TM9SF3: variants seen among roughly 807,000 people sequenced by gnomAD.
The protein encoded by TM9SF3 is transmembrane 9 superfamily member 3, also known as SM-11044-binding protein.
Under a neutral mutation model 78.6 loss-of-function variants are expected in TM9SF3, and 14 were observed. That is an observed-to-expected ratio of 0.18 (90% CI 0.12 to 0.28). The LOEUF (loss-of-function observed/expected upper bound fraction) is 0.28, where lower values mean the gene tolerates loss of function less well. Ranked by LOEUF, TM9SF3 falls within the 10% of genes least tolerant of loss-of-function variation. The pLI, the probability that TM9SF3 is intolerant of heterozygous loss-of-function variation, is 1.00. For synonymous variants in TM9SF3, 231 were observed against 241.7 expected (o/e 0.96, Z 0.41); for missense variants, 496 against 721.9 (o/e 0.69, Z 3.59).
intron 10 of TM9SF3, among the ~76,000 whole-genome samples, chr10:96,532,639 T>TA (rs1422737674): frequency 6.6e-6 from 1 of 152,214 alleles, no homozygotes; most frequent in Non-Finnish European, 1.5e-5. Flanking sequence ...TCTCTGACAT[T>TA]ACTGATCTGC....
intron 14 of TM9SF3, among the ~76,000 whole-genome samples, chr10:96,525,414 T>C (rs1294331508): frequency 6.6e-6 from 1 of 152,052 alleles, no homozygotes; most frequent in African/African-American, 2.4e-5. Flanking sequence ...TGTGGAATGT[T>C]TCATTCACTA....
At chr10:96,527,953 C>T in intron 12 of TM9SF3, 78 bp downstream of exon 12, 1 of 1,427,256 alleles carries the variant, frequency 7.0e-7, no homozygotes, top group Non-Finnish European at 9.5e-7. Context: ...CTCTTTACTC[C>T]ACTTGATAGA....
chr10:96,557,543 T>C, intron 5 of TM9SF3, among the ~76,000 whole-genome samples: 1 of 152,158 alleles, frequency 6.6e-6, no homozygotes, highest in Non-Finnish European at 1.5e-5. Context: ...CTGAAAACAC[T>C]ACAGTGCTCC....
At chr10:96,527,634 G>T in intron 12 of TM9SF3, 138 bp from the exon 13 acceptor site, 1 of 634,404 alleles carries the variant, frequency 1.6e-6, no homozygotes, top group Non-Finnish European at 2.6e-6. Context: ...CATAGACATG[G>T]TATTCAAATT....
chr10:96,583,237 G>A (rs1848592890), intron 1 of TM9SF3, among the ~76,000 whole-genome samples: 1 of 152,202 alleles, frequency 6.6e-6, no homozygotes, highest in South Asian at 2.1e-4. Context: ...CTTAGGACAA[G>A]CTATATAATT....
At chr10:96,547,856 T>C (rs1848120475) in intron 8 of TM9SF3, 39 bp downstream of exon 8, 2 of 1,493,302 alleles carry the variant, frequency 1.3e-6, no homozygotes. Flanking sequence ...AATATTAGCA[T>C]CTATAATTAA....
At chr10:96,582,973 AG>A (rs1224999860) in intron 1 of TM9SF3, among the ~76,000 whole-genome samples, 3 of 151,776 alleles carry the variant, frequency 2.0e-5, no homozygotes, top group Non-Finnish European at 4.4e-5. Flanking sequence ...CCAGCTACTC[AG>A]GAGGCTGAGA....
chr10:96,524,263 A>G (rs1847814163), intron 14 of TM9SF3, among the ~76,000 whole-genome samples: 1 of 151,940 alleles, frequency 6.6e-6, no homozygotes, highest in Admixed American at 6.6e-5. Context: ...TTATAATAGG[A>G]AATAACAATA....
chr10:96,556,165 G>A (rs1848231666), intron 5 of TM9SF3, among the ~76,000 whole-genome samples: 1 of 152,002 alleles, frequency 6.6e-6, no homozygotes, highest in Non-Finnish European at 1.5e-5. Flanking sequence ...GTCACAAAGG[G>A]GTTTACTAAC....
chr10:96,554,760 G>C (rs893691567), intron 5 of TM9SF3, among the ~76,000 whole-genome samples: 1 of 152,022 alleles, frequency 6.6e-6, no homozygotes, highest in African/African-American at 2.4e-5. Context: ...AATGTTTCTG[G>C]AATTGCAGAC....
At chr10:96,537,150 C>A (rs1215142397) in intron 9 of TM9SF3, among the ~76,000 whole-genome samples, 1 of 152,192 alleles carries the variant, frequency 6.6e-6, no homozygotes, top group Non-Finnish European at 1.5e-5. Context: ...CACCCCAAAC[C>A]TCATATTGTT....
intron 7 of TM9SF3, among the ~76,000 whole-genome samples, chr10:96,550,259 G>A (rs1184700400): frequency 6.6e-6 from 1 of 152,106 alleles, no homozygotes; most frequent in Non-Finnish European, 1.5e-5. Context: ...CCTTATGTAG[G>A]TACTTTGAGA....
At position 96,519,998 on chromosome 10, in the gene TM9SF3, C is replaced by A. The variant is rs1847744871; in HGVS notation, c.*2265G>T. 1 of 151,868 alleles carries A rather than the reference C, an allele frequency of 6.6e-6. No homozygotes were observed. Among genetic ancestry groups the A allele is most frequent in the African/African-American group, 2.4e-5 (1 of 41,418 alleles). The allele number at this position is 151,868 out of a possible 1,614,324, so 9.4% of individuals were successfully genotyped here. ...AATTGGTGTACCTGAAAGCATTTAA[C>A]CCACACATTTTCAATAAACCCTACA... On this transcript the variant is annotated 3_prime_UTR_variant, in exon 15 of 15. Transcript: ENST00000371142.
rs770125582 is a variant in TM9SF3, at chr10:96,576,643, T to C, written c.289A>G (p.Lys97Glu). 1.3e-6 allele frequency: 2 copies of C among 1,588,264 alleles called. No individual in the cohort carries two copies. The highest frequency in any genetic ancestry group is 1.2e-5 in the South Asian group (1 of 86,638). ...ATTAAGGTTTACTTACCTTTAAATT[T>C]AATATCCAGACCACTAAATTCCAAT... Reference protein sequence around the residue: ...VELEFSGLDIKFKDDVMPATY... With the variant: ...VELEFSGLDIEFKDDVMPATY... The change falls in exon 2 of 15, where the codon AAA becomes GAA. Residue 97 changes from lysine (K) to glutamate (E), a missense_variant. Lys to Glu is a moderately conservative substitution (Grantham distance 56). This residue lies in a region of TM9SF3 where 155 missense variants were observed against 241.6 expected (regional missense o/e 0.64). Coordinates refer to ENST00000371142, the MANE Select transcript of TM9SF3 (RefSeq NM_020123.4).
rs1236977939 is a variant in TM9SF3, at chr10:96,527,222, T to C, written c.1693A>G (p.Ile565Val). Residue 565 changes from isoleucine to valine, a missense_variant, in exon 14 of 15, where the codon ATA becomes GTA. By Grantham distance (29) the Ile-to-Val change is conservative. This residue lies in a region of TM9SF3 where 280 missense variants were observed against 422.6 expected (regional missense o/e 0.66). Coordinates refer to ENST00000371142, the MANE Select transcript of TM9SF3 (RefSeq NM_020123.4). ...YMAVFSTALG[I>V]MCGAIGYMGT... ...GAATTTCAAAACTTACCACACATTA[T>C]CCCCAAGGCTGTGCTAAATACCGCC... is the stretch of plus-strand genomic sequence containing the variant. 2 of 1,607,310 alleles carry C rather than the reference T, an allele frequency of 1.2e-6. No homozygotes were observed. The highest frequency in any genetic ancestry group is 1.3e-5 in the African/African-American group (1 of 74,700).
chr10:96,530,005 G>C (rs995328295), intron 11 of TM9SF3, among the ~76,000 whole-genome samples: 3 of 152,118 alleles, frequency 2.0e-5, no homozygotes, highest in Admixed American at 1.3e-4. Flanking sequence ...TTTTTATTTT[G>C]CAATGGTGAC....
At chr10:96,522,507 T>TA (rs1847789516) in intron 14 of TM9SF3, among the ~76,000 whole-genome samples, 177 bp from the exon 15 acceptor site, 1 of 151,930 alleles carries the variant, frequency 6.6e-6, no homozygotes, top group Non-Finnish European at 1.5e-5. Flanking sequence ...AATCACCTGA[T>TA]ACCATAATAC....
intron 3 of TM9SF3, among the ~76,000 whole-genome samples, chr10:96,563,054 G>C (rs185126251): frequency 6.6e-6 from 1 of 152,010 alleles, no homozygotes; most frequent in East Asian, 1.9e-4. Context: ...GGGATTGTAG[G>C]GGATAATGAA....
In TM9SF3 at chr10:96,555,478, T is replaced by G. The variant is rs182476789; in HGVS notation, c.661-2419A>C. On this transcript the variant is annotated intron_variant, in intron 5 of 14. Transcript: ENST00000371142. The stretch of plus-strand genomic sequence containing the variant: ...TCCTCCTGCTCTAAAATTCTACAGG[T>G]ACATACATATGCATTGCTGTGTATG... 2.8e-4 allele frequency among the ~76,000 whole-genome samples: 43 copies of G among 152,354 alleles called. 1 individual carries two copies. The highest frequency in any genetic ancestry group is 5.0e-4 in the Non-Finnish European group (34 of 68,032).
Sources: allele counts gnomAD v4.1 joint callset (sites outside exome capture counted in the v4.1 genomes callset), GRCh38; gene constraint gnomAD v4.1.1; regional missense constraint gnomAD v4.1.1; transcripts MANE v1.5; gene names NCBI Gene and HGNC (gene_info 2026-07-23, HGNC 2026-07-21).